GRIN3A: variants seen among roughly 807,000 people sequenced by gnomAD.
The protein encoded by GRIN3A is glutamate receptor ionotropic, NMDA 3A.
GRIN3A carries 47 observed loss-of-function variants against 92.4 expected under a neutral mutation model. The ratio of observed to expected loss-of-function variants is 0.51; its 90% CI spans 0.40 to 0.65. The LOEUF (loss-of-function observed/expected upper bound fraction) is 0.65. Ranked by LOEUF, GRIN3A falls within the 30% of genes least tolerant of loss-of-function variation. The probability of loss-of-function intolerance (pLI) is 0.00; values close to 1 mark genes in which losing one functional copy is unlikely to be tolerated. For missense variants in GRIN3A, 1,324 were observed against 1,393.1 expected, an observed-to-expected ratio of 0.95 and a Z score of 0.79; for synonymous variants, 527 against 540.6, an observed-to-expected ratio of 0.97 and a Z score of 0.35.
intron 1 of GRIN3A, among the ~76,000 whole-genome samples, chr9:101,711,111 C>T (rs945891337): frequency 6.6e-6 from 1 of 152,120 alleles, no homozygotes; most frequent in Non-Finnish European, 1.5e-5. Flanking sequence ...GATAAGATCC[C>T]TATGTGATGA....
chr9:101,674,328 A>G (rs1023517768), intron 2 of GRIN3A, among the ~76,000 whole-genome samples: 23 of 152,088 alleles, frequency 1.5e-4, no homozygotes, highest in African/African-American at 5.1e-4. Flanking sequence ...ATAAGTCCAC[A>G]TGTGAGGAAC....
chr9:101,701,720 G>A (rs1391254226), intron 1 of GRIN3A, among the ~76,000 whole-genome samples: 1 of 152,166 alleles, frequency 6.6e-6, no homozygotes, highest in Non-Finnish European at 1.5e-5. Context: ...AAGCCAAAGA[G>A]CTTCTGCACA....
chr9:101,691,058 A>G (rs1325760948), intron 1 of GRIN3A, among the ~76,000 whole-genome samples: 1 of 152,158 alleles, frequency 6.6e-6, no homozygotes, highest in East Asian at 1.9e-4. Flanking sequence ...TTTTAGTTTT[A>G]AACACCTATC....
At chr9:101,582,685 T>C (rs1827903407) in intron 6 of GRIN3A, among the ~76,000 whole-genome samples, 1 of 152,224 alleles carries the variant, frequency 6.6e-6, no homozygotes, top group East Asian at 1.9e-4. Context: ...GAGTTATTGC[T>C]GTGGATTAAG....
chr9:101,589,933 G>T (rs1048893632), intron 6 of GRIN3A, among the ~76,000 whole-genome samples: 22 of 152,120 alleles, frequency 1.4e-4, no homozygotes, highest in African/African-American at 2.7e-4. Context: ...ATATTTCAGA[G>T]ACTCCTTAGT....
chr9:101,709,493 T>C (rs1195503554), intron 1 of GRIN3A, among the ~76,000 whole-genome samples: 2 of 152,224 alleles, frequency 1.3e-5, no homozygotes, highest in East Asian at 3.9e-4. Flanking sequence ...CCATAGTTGA[T>C]GTTGTAGCAG....
chr9:101,729,658 A>C (rs1830116738), intron 1 of GRIN3A, among the ~76,000 whole-genome samples: 1 of 152,182 alleles, frequency 6.6e-6, no homozygotes, highest in Non-Finnish European at 1.5e-5. Flanking sequence ...GGCCATAAAA[A>C]ATAACATATT....
intron 1 of GRIN3A, among the ~76,000 whole-genome samples, chr9:101,698,698 C>T (rs1009128145): frequency 1.3e-5 from 2 of 152,150 alleles, no homozygotes; most frequent in African/African-American, 4.8e-5. Flanking sequence ...GACAGAGTCT[C>T]ACTCTCTCAG....
At chr9:101,640,493 T>G (rs180778882) in intron 3 of GRIN3A, among the ~76,000 whole-genome samples, 4 of 152,320 alleles carry the variant, frequency 2.6e-5, no homozygotes, top group Admixed American at 2.6e-4. Context: ...TGGCCAAGAT[T>G]AGACAGTGAA....
In GRIN3A at chr9:101,628,965, A is replaced by G. The variant is rs183024085; in HGVS notation, c.2353-564T>C. 1.0e-4 allele frequency among the ~76,000 whole-genome samples: 15 copies of G among 149,766 alleles called. No homozygotes were observed. In the East Asian group the frequency reaches 2.9e-3, roughly 29 times the overall value. On this transcript the variant is annotated intron_variant, in intron 3 of 8. Coordinates refer to ENST00000361820, the MANE Select transcript of GRIN3A (RefSeq NM_133445.3). Reference sequence around the variant, plus strand: ...ATAATACAGAGTATTTTTTTTAATAATTAGGTTTTTAAGTTGTTTACCCTA... The same window carrying G: ...ATAATACAGAGTATTTTTTTTAATAGTTAGGTTTTTAAGTTGTTTACCCTA...
At chr9:101,728,338 G>A (rs913733311) in intron 1 of GRIN3A, among the ~76,000 whole-genome samples, 7 of 152,140 alleles carry the variant, frequency 4.6e-5, no homozygotes, top group African/African-American at 1.7e-4. Flanking sequence ...AGTAAGTTCA[G>A]CTAATGACCA....
At chr9:101,696,023 C>G (rs903329335) in intron 1 of GRIN3A, among the ~76,000 whole-genome samples, 3 of 152,184 alleles carry the variant, frequency 2.0e-5, no homozygotes, top group African/African-American at 4.8e-5. Context: ...AAAGAGAAAG[C>G]CTACCTAGCA....
chr9:101,608,673 C>T (rs1229110806), intron 6 of GRIN3A, among the ~76,000 whole-genome samples: 3 of 152,116 alleles, frequency 2.0e-5, no homozygotes, highest in Non-Finnish European at 4.4e-5. Context: ...TTACCACAAT[C>T]CTATAAAGTA....
At chr9:101,701,156 A>G (rs1323814250) in intron 1 of GRIN3A, among the ~76,000 whole-genome samples, 2 of 152,196 alleles carry the variant, frequency 1.3e-5, no homozygotes, top group East Asian at 3.9e-4. Flanking sequence ...TCAGATTACT[A>G]TGAATCTAAG....
At chr9:101,647,399 A>G (rs1008259019) in intron 3 of GRIN3A, among the ~76,000 whole-genome samples, 2 of 151,764 alleles carry the variant, frequency 1.3e-5, no homozygotes, top group Admixed American at 6.6e-5. Flanking sequence ...GTTTGATAGC[A>G]CTTTGTTGAG....
chr9:101,698,807 TACAGGTGCGAGCCACC>T (rs943747118), intron 1 of GRIN3A, among the ~76,000 whole-genome samples: 38 of 152,128 alleles, frequency 2.5e-4, no homozygotes, highest in African/African-American at 8.9e-4. Flanking sequence ...TAGATGGGAC[TACAGGTGCGAGCCACC>T]ACGCCTGGCT....
chr9:101,710,216 G>C (rs1829861686), intron 1 of GRIN3A, among the ~76,000 whole-genome samples: 1 of 152,002 alleles, frequency 6.6e-6, no homozygotes, highest in South Asian at 2.1e-4. Context: ...TGGAAACTGG[G>C]GAGCTAAGAT....
chr9:101,655,849 G>A (rs1272652634), intron 3 of GRIN3A, among the ~76,000 whole-genome samples: 1 of 151,948 alleles, frequency 6.6e-6, no homozygotes, highest in Non-Finnish European at 1.5e-5. Flanking sequence ...TTGTAAAAAT[G>A]AAAAGAAAAT....
chr9:101,592,986 C>T (rs1588239501), intron 6 of GRIN3A: 2 of 152,124 alleles, frequency 1.3e-5, no homozygotes, highest in South Asian at 4.1e-4. Flanking sequence ...GGTATGGAGG[C>T]ACAGATGCTG....
Sources: gnomAD v4.1 joint callset for allele counts (sites outside exome capture counted in the v4.1 genomes callset) on GRCh38, gnomAD v4.1.1 for gene constraint, MANE v1.5 for transcripts, NCBI Gene and HGNC (gene_info 2026-07-23, HGNC 2026-07-21) for gene names.